TMEM266: variants seen among roughly 807,000 people sequenced by gnomAD.
The protein encoded by TMEM266 is Hv1 related protein 1.
TMEM266 carries 33 observed loss-of-function variants against 50.5 expected under a neutral mutation model. That is an observed-to-expected ratio of 0.65 (90% CI 0.50 to 0.87). The LOEUF is 0.87. Ranked by LOEUF, TMEM266 falls within the 40% of genes least tolerant of loss-of-function variation. The probability of loss-of-function intolerance (pLI) is 0.00; values close to 1 mark genes in which losing one functional copy is unlikely to be tolerated. For missense variants in TMEM266, 655 were observed against 695.1 expected (o/e 0.94, Z 0.65); for synonymous variants, 310 against 292.3 (o/e 1.06, Z -0.62).
At chr15:76,167,866 T>TA (rs59896385) in intron 5 of TMEM266, among the ~76,000 whole-genome samples, 8,976 of 152,216 alleles carry the variant, frequency 0.059, 617 homozygotes, top group African/African-American at 0.17. Context: ...GTCCAAATGT[T>TA]ACCTTCATTC....
At chr15:76,201,321 T>C (rs1450413557) in intron 9 of TMEM266, among the ~76,000 whole-genome samples, 3 of 152,070 alleles carry the variant, frequency 2.0e-5, no homozygotes, top group African/African-American at 7.2e-5. Context: ...TTCCTCCCAC[T>C]CTCAGGCCAC....
chr15:76,184,705 G>A (rs983264095), intron 8 of TMEM266, among the ~76,000 whole-genome samples: 1 of 152,180 alleles, frequency 6.6e-6, no homozygotes, highest in South Asian at 2.1e-4. Context: ...GCGGAGAAGC[G>A]CTGGGTGTGC....
chr15:76,170,175 A>G (rs1567174807), intron 6 of TMEM266, among the ~76,000 whole-genome samples: 1 of 152,200 alleles, frequency 6.6e-6, no homozygotes, highest in Admixed American at 6.5e-5. Context: ...AAACAAATAA[A>G]TCCACCCTAA....
chr15:76,193,514 T>TCCAG (rs2038612434), intron 9 of TMEM266, among the ~76,000 whole-genome samples: 1 of 152,222 alleles, frequency 6.6e-6, no homozygotes. Flanking sequence ...AGCCACTGTG[T>TCCAG]CCAGCCACTC....
In TMEM266 at chr15:76,135,498, TTC is replaced by T. The variant is rs559157488; in HGVS notation, c.38+1201_38+1202del. 1.6e-4 allele frequency among the ~76,000 whole-genome samples: 24 copies of T among 152,360 alleles called. No homozygotes were observed. The East Asian group carries it at 4.4e-3, about 28-fold the overall frequency. On this transcript the variant is annotated intron_variant, in intron 2 of 10. Coordinates refer to ENST00000388942, the MANE Select transcript of TMEM266 (RefSeq NM_152335.3). Reference sequence around the variant, plus strand: ...TTAATTTCTCTTATTGATCAGAAAGTTCTCTTTGTTTAGTTCAGTGATCCATA... The same window carrying T: ...TTAATTTCTCTTATTGATCAGAAAGTTCTTTGTTTAGTTCAGTGATCCATA...
intron 1 of TMEM266, among the ~76,000 whole-genome samples, chr15:76,082,763 G>A (rs1057085456): frequency 6.6e-6 from 1 of 152,136 alleles, no homozygotes. Context: ...GAGGTCAGGA[G>A]TTCGAGACCA....
intron 2 of TMEM266, among the ~76,000 whole-genome samples, chr15:76,137,201 C>T (rs2037603812): frequency 6.6e-6 from 1 of 152,202 alleles, no homozygotes; most frequent in African/African-American, 2.4e-5. Context: ...TACAAGTCTC[C>T]ATGCAGGCTC....
At chr15:76,162,262 C>T (rs1307997112) in intron 5 of TMEM266, among the ~76,000 whole-genome samples, 2 of 152,130 alleles carry the variant, frequency 1.3e-5, no homozygotes, top group Non-Finnish European at 2.9e-5. Flanking sequence ...CAGTGTCCAG[C>T]GTGAATGGAG....
At chr15:76,173,950 A>T (rs1372409737) in intron 7 of TMEM266, among the ~76,000 whole-genome samples, 2 of 151,618 alleles carry the variant, frequency 1.3e-5, no homozygotes, top group African/African-American at 4.9e-5. Flanking sequence ...AATAAAAAAA[A>T]AAAAAAGAGG....
At chr15:76,106,067 T>G (rs2037075318) in intron 1 of TMEM266, among the ~76,000 whole-genome samples, 1 of 152,142 alleles carries the variant, frequency 6.6e-6, no homozygotes, top group South Asian at 2.1e-4. Flanking sequence ...AGGCCCCCAG[T>G]TTAGCGGGAT....
chr15:76,161,307 A>C lies in TMEM266; in HGVS notation c.456+1139A>C, dbSNP rs2038015398. Among the ~76,000 whole-genome samples, 1 of 152,118 alleles carries C rather than the reference A, an allele frequency of 6.6e-6. No individual in the cohort carries two copies. Among genetic ancestry groups the C allele is most frequent in the African/African-American group, 2.4e-5 (1 of 41,426 alleles). On this transcript the variant is annotated intron_variant, in intron 5 of 10. Transcript: ENST00000388942. This position sits in a 1 kb window ranked among gnomAD's most constrained non-coding sequence, Gnocchi z 4.1. The stretch of plus-strand genomic sequence containing the variant: ...CAACGGGAGCTGCTCTACCTGAGGC[A>C]CAGGGGCTCTGGGACCCCGAGACGG...
chr15:76,169,688 C>A (rs566639245), intron 5 of TMEM266, 128 bp from the exon 6 acceptor site: 3 of 1,056,448 alleles, frequency 2.8e-6, no homozygotes, highest in African/African-American at 1.6e-5. Context: ...CCAAGGAATG[C>A]TTAGTGGATG....
In TMEM266 at chr15:76,196,281, G is replaced by A. The variant is rs542584987; in HGVS notation, c.958+4124G>A. ...CTGGGGTGTCTCCTGGGTACCTCCC[G>A]GCTCTGTGGATACTGCCTGCCCCAG... On this transcript the variant is annotated intron_variant, in intron 9 of 10. Coordinates refer to ENST00000388942, the MANE Select transcript of TMEM266 (RefSeq NM_152335.3). Among the ~76,000 whole-genome samples the A allele has an allele frequency of 7.6e-4, 115 of 152,296 alleles. 1 individual carries two copies. The highest frequency in any genetic ancestry group is 2.2e-3 in the African/African-American group (92 of 41,550).
chr15:76,145,665 T>G (rs888506368), intron 3 of TMEM266, among the ~76,000 whole-genome samples: 2 of 152,236 alleles, frequency 1.3e-5, no homozygotes, highest in African/African-American at 4.8e-5. Flanking sequence ...ATCCACAGCT[T>G]TTAAGGAAGC....
rs1316281324 is a variant in TMEM266 at position 76,089,279 on chromosome 15, CCG to C, written c.-97+29265_-97+29266del. 3.3e-5 allele frequency among the ~76,000 whole-genome samples: 5 copies of C among 150,792 alleles called. No individual in the cohort carries two copies. In the East Asian group the frequency reaches 9.9e-4, roughly 30 times the overall value. The stretch of plus-strand genomic sequence containing the variant: ...GCGTAATCTCGGCTCACTGCAACTG[CCG>C]CTCCGGGTTCATGCCATTCTCCTGC... On this transcript the variant is annotated intron_variant, in intron 1 of 10. Transcript: ENST00000388942.
At chr15:76,115,517 C>T (rs1314466008) in intron 1 of TMEM266, among the ~76,000 whole-genome samples, 5 of 152,182 alleles carry the variant, frequency 3.3e-5, no homozygotes, top group Non-Finnish European at 5.9e-5. Context: ...TCCCTAGAAA[C>T]CCACCACCTG....
chr15:76,204,014 A>C lies in TMEM266; in HGVS notation c.1295A>C (p.Gln432Pro), dbSNP rs1240806259. 7.5e-6 allele frequency: 12 copies of C among 1,608,886 alleles called. No individual in the cohort carries two copies. In the Admixed American group the frequency reaches 1.0e-4, roughly 13 times the overall value. The stretch of plus-strand genomic sequence containing the variant: ...CCTTCTCCCCCGCCGCTGCCATCCC[A>C]GCAGCAGGTGGAGGAGGCCACAGTC... The change falls in exon 11 of 11, where the codon CAG becomes CCG. Residue 432 changes from glutamine (Q) to proline (P), a missense_variant. Gln to Pro is a moderately conservative substitution (Grantham distance 76). This residue lies in a region of TMEM266 where 455 missense variants were observed against 401.8 expected (regional missense o/e 1.13). Transcript: ENST00000388942.
Position 76,147,299 on chromosome 15 carries a change from G to C in TMEM266, c.228-9305G>C, listed in dbSNP as rs532389074. On this transcript the variant is annotated intron_variant, in intron 3 of 10. Coordinates refer to ENST00000388942, the MANE Select transcript of TMEM266 (RefSeq NM_152335.3). ...GAACATGCCAACTTCACTTAGTAAG[G>C]TTTTAACGTCCTGGTAGAGGAAGGA... Among the ~76,000 whole-genome samples the C allele has an allele frequency of 4.6e-5, 7 of 152,322 alleles. No individual in the cohort carries two copies. In the South Asian group the frequency reaches 1.5e-3, roughly 32 times the overall value.
intron 1 of TMEM266, among the ~76,000 whole-genome samples, chr15:76,107,190 A>G (rs1009217028): frequency 1.3e-5 from 2 of 152,242 alleles, no homozygotes; most frequent in Non-Finnish European, 2.9e-5. Context: ...CCAGAGTATT[A>G]TTATTTCAAC....
Sources: gnomAD v4.1 joint callset for allele counts (sites outside exome capture counted in the v4.1 genomes callset) on GRCh38, gnomAD v4.1.1 for gene constraint, gnomAD v4.1.1 regional missense constraint, Gnocchi (gnomAD v3.1) non-coding constraint, MANE v1.5 for transcripts, NCBI Gene and HGNC (gene_info 2026-07-23, HGNC 2026-07-21) for gene names.